The following CADM2 variants were observed in gnomAD, a reference collection of about 807,000 sequenced individuals.
The protein encoded by CADM2 is immunoglobulin superfamily member 4D.
CADM2 carries 12 observed loss-of-function variants against 49.8 expected under a neutral mutation model. The observed-to-expected ratio is 0.24, with a 90% CI of 0.15 to 0.39. CADM2 has a LOEUF of 0.39. Among genes scored for constraint, CADM2 ranks in the 10% least tolerant of loss-of-function variants. The probability of loss-of-function intolerance (pLI) is 1.00; values close to 1 mark genes in which losing one functional copy is unlikely to be tolerated. For missense variants in CADM2, 378 were observed against 492.3 expected (o/e 0.77, Z 2.20); for synonymous variants, 214 against 175.4 (o/e 1.22, Z -1.74).
intron 5 of CADM2, among the ~76,000 whole-genome samples, chr3:85,899,886 G>C (rs993845651): frequency 1.3e-5 from 2 of 152,076 alleles, no homozygotes; most frequent in Non-Finnish European, 2.9e-5. Flanking sequence ...GCACTGATTA[G>C]TTCTTAAGCG....
intron 5 of CADM2, among the ~76,000 whole-genome samples, chr3:85,911,115 A>G (rs1224370183): frequency 1.3e-5 from 2 of 152,150 alleles, no homozygotes; most frequent in Admixed American, 6.5e-5. Flanking sequence ...TTTACTGACA[A>G]TATCAATGTT....
intron 5 of CADM2, among the ~76,000 whole-genome samples, chr3:85,889,425 C>T (rs979053651): frequency 6.6e-5 from 10 of 152,074 alleles, no homozygotes; most frequent in African/African-American, 2.2e-4. Context: ...GTGGAGCAGG[C>T]CCACGGGGGA....
At chr3:85,963,987 A>C (rs983273103) in intron 8 of CADM2, among the ~76,000 whole-genome samples, 4 of 151,868 alleles carry the variant, frequency 2.6e-5, no homozygotes, top group Admixed American at 6.6e-5. Context: ...GTGAAACCAT[A>C]TTATGCTGTG....
In CADM2 at chr3:86,046,319, G is replaced by C. The variant is rs1024407157; in HGVS notation, c.971-19286G>C. On this transcript the variant is annotated intron_variant, in intron 8 of 9. Coordinates refer to ENST00000383699, the MANE Select transcript of CADM2 (RefSeq NM_001167675.2). The stretch of plus-strand genomic sequence containing the variant: ...TTGTAATCATTTATTTTAAAAACAC[G>C]TAGTATCTATATATGCCATTTTACA... Among the ~76,000 whole-genome samples the C allele has an allele frequency of 4.6e-5, 7 of 151,998 alleles. 1 individual carries two copies. The highest frequency in any genetic ancestry group is 4.6e-4 in the Admixed American group (7 of 15,246).
At chr3:85,705,640 C>T (rs1187183090) in intron 1 of CADM2, among the ~76,000 whole-genome samples, 2 of 152,008 alleles carry the variant, frequency 1.3e-5, no homozygotes, top group African/African-American at 2.4e-5. Flanking sequence ...TTCTGTGGGC[C>T]TTCATTATGT....
intron 7 of CADM2, among the ~76,000 whole-genome samples, chr3:85,952,832 C>A (rs1723610312): frequency 6.6e-6 from 1 of 150,736 alleles, no homozygotes; most frequent in South Asian, 2.1e-4. Flanking sequence ...TATATATGGC[C>A]TCTTTATTGG....
intron 1 of CADM2, among the ~76,000 whole-genome samples, chr3:85,404,209 A>C (rs750714648): frequency 8.5e-5 from 13 of 152,130 alleles, no homozygotes; most frequent in Non-Finnish European, 4.4e-5. Context: ...AAATTGTACA[A>C]TGCAGACCAT....
At chr3:85,717,370 T>C (rs542042994) in intron 1 of CADM2, among the ~76,000 whole-genome samples, 3 of 152,338 alleles carry the variant, frequency 2.0e-5, no homozygotes, top group East Asian at 1.9e-4. Flanking sequence ...CTGAAGTTGC[T>C]TATGAGCTTA....
chr3:85,395,432 T>C (rs578240484), intron 1 of CADM2, among the ~76,000 whole-genome samples: 1 of 152,208 alleles, frequency 6.6e-6, no homozygotes, highest in East Asian at 1.9e-4. Flanking sequence ...CAATTGAATT[T>C]AATACAGACT....
chr3:85,975,217 C>T (rs1033563954), intron 8 of CADM2, among the ~76,000 whole-genome samples: 4 of 151,018 alleles, frequency 2.6e-5, no homozygotes, highest in African/African-American at 7.3e-5. Flanking sequence ...TTTTAATATA[C>T]CATGATATGT....
At chr3:85,223,998 T>C (rs2042096806) in intron 1 of CADM2, among the ~76,000 whole-genome samples, 1 of 152,216 alleles carries the variant, frequency 6.6e-6, no homozygotes, top group South Asian at 2.1e-4. Flanking sequence ...TTATCCAGTC[T>C]ATCACTGATG....
intron 8 of CADM2, among the ~76,000 whole-genome samples, chr3:86,000,686 A>C (rs1473780715): frequency 7.0e-6 from 1 of 141,978 alleles, no homozygotes; most frequent in Non-Finnish European, 1.6e-5. Context: ...AACAGAAAGA[A>C]AAAAAAAAAG....
At chr3:85,243,340 T>C (rs1259692814) in intron 1 of CADM2, among the ~76,000 whole-genome samples, 1 of 151,962 alleles carries the variant, frequency 6.6e-6, no homozygotes, top group East Asian at 1.9e-4. Context: ...CCCTGATGTA[T>C]TTTATTCTTA....
chr3:85,076,167 C>T (rs1302812700), intron 1 of CADM2, among the ~76,000 whole-genome samples: 1 of 151,840 alleles, frequency 6.6e-6, no homozygotes. Flanking sequence ...AATTATCCTC[C>T]CTGCATAACT....
At chr3:86,039,476 T>A (rs991144635) in intron 8 of CADM2, among the ~76,000 whole-genome samples, 2 of 152,128 alleles carry the variant, frequency 1.3e-5, no homozygotes, top group African/African-American at 4.8e-5. Context: ...CCACGGAGCC[T>A]CACTCATCGC....
chr3:85,835,324 T>C (rs959511557), intron 3 of CADM2, among the ~76,000 whole-genome samples: 1 of 151,152 alleles, frequency 6.6e-6, no homozygotes, highest in Non-Finnish European at 1.5e-5. Context: ...CTTTTTTTTT[T>C]TTTTTCCTGA....
intron 1 of CADM2, among the ~76,000 whole-genome samples, chr3:85,144,205 C>T (rs1263589922): frequency 6.6e-6 from 1 of 151,674 alleles, no homozygotes; most frequent in Non-Finnish European, 1.5e-5. Context: ...GCTTTATTTT[C>T]TATGAAACTT....
intron 1 of CADM2, among the ~76,000 whole-genome samples, chr3:85,649,415 ATTT>A (rs1471279142): frequency 6.6e-6 from 1 of 152,158 alleles, no homozygotes; most frequent in Non-Finnish European, 1.5e-5. Context: ...TTGCTGTTGA[ATTT>A]TTATCTTAAA....
intron 1 of CADM2, among the ~76,000 whole-genome samples, chr3:85,439,545 T>C (rs2037097602): frequency 1.3e-5 from 2 of 152,206 alleles, no homozygotes; most frequent in African/African-American, 4.8e-5. Flanking sequence ...TTTTGTTTCA[T>C]AAATTTTCTA....
Sources: allele counts gnomAD v4.1 joint callset (sites outside exome capture counted in the v4.1 genomes callset), GRCh38; gene constraint gnomAD v4.1.1; transcripts MANE v1.5; gene names NCBI Gene and HGNC (gene_info 2026-07-23, HGNC 2026-07-21).